The following MCTP1 variants were observed in gnomAD, a reference collection of about 807,000 sequenced individuals.
MCTP1 encodes multiple C2 and transmembrane domain containing 1, also known as multiple C2 and transmembrane domain-containing protein 1.
MCTP1 carries 69 observed loss-of-function variants against 120.6 expected under a neutral mutation model. The observed-to-expected ratio is 0.57, with a 90% confidence interval of 0.47 to 0.70. The LOEUF is 0.70. Among genes scored for constraint, MCTP1 ranks in the 30% least tolerant of loss-of-function variants. The probability of loss-of-function intolerance (pLI) is 0.00; values close to 1 mark genes in which losing one functional copy is unlikely to be tolerated. For missense variants in MCTP1, 1,203 were observed against 1,248.8 expected, an observed-to-expected ratio of 0.96 and a Z score of 0.55; for synonymous variants, 529 against 493.1, an observed-to-expected ratio of 1.07 and a Z score of -0.96.
intron 17 of MCTP1, among the ~76,000 whole-genome samples, chr5:94,851,912 G>A (rs1240278092): frequency 5.9e-5 from 9 of 151,804 alleles, no homozygotes; most frequent in African/African-American, 2.2e-4. Context: ...CCCTACTATT[G>A]CAGTCTCATG....
chr5:94,738,809 T>G (rs912877160), intron 19 of MCTP1, among the ~76,000 whole-genome samples: 2 of 152,228 alleles, frequency 1.3e-5, no homozygotes, highest in African/African-American at 4.8e-5. Flanking sequence ...AAATATCCCC[T>G]TCTCCACTGT....
At chr5:95,143,847 C>T (rs555209735) in intron 1 of MCTP1, among the ~76,000 whole-genome samples, 94 of 152,214 alleles carry the variant, frequency 6.2e-4, no homozygotes, top group African/African-American at 2.0e-3. Flanking sequence ...GTTTTTGTGA[C>T]TAGCACAGTG....
At chr5:95,090,466 G>T (rs1445985934) in intron 1 of MCTP1, among the ~76,000 whole-genome samples, 9 of 151,972 alleles carry the variant, frequency 5.9e-5, no homozygotes. Flanking sequence ...ATCAGTCCTC[G>T]GTCCTTGGCT....
chr5:95,061,399 C>A (rs1391676176), intron 1 of MCTP1, among the ~76,000 whole-genome samples: 1 of 114,268 alleles, frequency 8.8e-6, no homozygotes, highest in Non-Finnish European at 1.9e-5. Context: ...TTTCACAAAC[C>A]CCTTAAGGGT....
intron 19 of MCTP1, among the ~76,000 whole-genome samples, chr5:94,766,784 G>C (rs529791160): frequency 6.6e-6 from 1 of 152,124 alleles, no homozygotes; most frequent in Admixed American, 6.5e-5. Context: ...TAGTGAGATT[G>C]AGTCAGTAAC....
intron 19 of MCTP1, among the ~76,000 whole-genome samples, chr5:94,776,410 G>A (rs1030875887): frequency 1.3e-5 from 2 of 152,062 alleles, no homozygotes; most frequent in Non-Finnish European, 2.9e-5. Context: ...ATGGAAAACA[G>A]GTGCTCTCAT....
In MCTP1 at chr5:94,705,070, T is replaced by A. The variant is rs1240225636; in HGVS notation, c.*2426A>T. On this transcript the variant is annotated 3_prime_UTR_variant, in exon 23 of 23. Coordinates refer to ENST00000515393, the MANE Select transcript of MCTP1 (RefSeq NM_024717.7). ...ACTAAAAGATACTAAAGGAATATAT[T>A]TAGTAGTTCACAATATCTATAATAG... The A allele has an allele frequency of 1.3e-5, 2 of 151,438 alleles. No homozygotes were observed. The highest frequency in any genetic ancestry group is 4.8e-5 in the African/African-American group (2 of 41,346). 9.4% of individuals were successfully genotyped at this position (151,438 alleles called of 1,614,324 possible). A position where few individuals can be genotyped will look rare whatever the true frequency, so the allele number is the denominator to read the frequency against.
At chr5:95,095,237 A>G (rs1756159153) in intron 1 of MCTP1, among the ~76,000 whole-genome samples, 1 of 151,196 alleles carries the variant, frequency 6.6e-6, no homozygotes, top group Non-Finnish European at 1.5e-5. Context: ...GTTAGCCAGG[A>G]TGGTCTCGAT....
chr5:94,824,647 G>T lies in MCTP1; in HGVS notation c.2437-25515C>A, dbSNP rs188116721. 1.1e-4 allele frequency among the ~76,000 whole-genome samples: 16 copies of T among 152,286 alleles called. No individual in the cohort carries two copies. In the East Asian group the frequency reaches 2.9e-3, roughly 28 times the overall value. On this transcript the variant is annotated intron_variant, in intron 17 of 22. Coordinates refer to ENST00000515393, the MANE Select transcript of MCTP1 (RefSeq NM_024717.7). The stretch of plus-strand genomic sequence containing the variant: ...CTCTTTGTACCTCTGGTAGAATTCA[G>T]CTGTGAATCCATCTGGTCATGGGCT...
intron 1 of MCTP1, among the ~76,000 whole-genome samples, chr5:95,221,378 G>T (rs1753677067): frequency 6.6e-6 from 1 of 152,152 alleles, no homozygotes; most frequent in Non-Finnish European, 1.5e-5. Context: ...CCTCCCACTT[G>T]GGCAGAGCCA....
At chr5:95,081,324 A>G (rs753546881) in intron 1 of MCTP1, 8 of 925,264 alleles carry the variant, frequency 8.6e-6, no homozygotes, top group Non-Finnish European at 1.2e-5. Context: ...AACCTTCAAT[A>G]CCCCGTGAGA....
At chr5:95,167,479 G>A (rs891245383) in intron 1 of MCTP1, among the ~76,000 whole-genome samples, 25 of 152,152 alleles carry the variant, frequency 1.6e-4, no homozygotes, top group Non-Finnish European at 2.8e-4. Context: ...CTGAGGAATC[G>A]CCACACTGAC....
intron 1 of MCTP1, among the ~76,000 whole-genome samples, chr5:95,097,513 G>A (rs551646673): frequency 1.8e-4 from 27 of 152,360 alleles, no homozygotes; most frequent in African/African-American, 5.8e-4. Context: ...AAGGAGGCTG[G>A]AGAGGTGGGC....
At chr5:94,826,464 A>C (rs1406203468) in intron 17 of MCTP1, 1 of 688,334 alleles carries the variant, frequency 1.5e-6, no homozygotes, top group Non-Finnish European at 2.7e-6. Flanking sequence ...AGAAGTGGCC[A>C]GCTTTTCTTG....
chr5:95,043,491 T>G (rs2151922066), intron 1 of MCTP1, among the ~76,000 whole-genome samples: 1 of 152,252 alleles, frequency 6.6e-6, no homozygotes, highest in Admixed American at 6.5e-5. Flanking sequence ...ATCATTCTGC[T>G]TAGCCTTTTT....
intron 1 of MCTP1, among the ~76,000 whole-genome samples, chr5:95,200,807 C>G (rs1216163933): frequency 6.6e-6 from 1 of 152,078 alleles, no homozygotes; most frequent in Non-Finnish European, 1.5e-5. Context: ...GTGTTCTCAC[C>G]ACAAAAACTG....
At chr5:94,862,813 C>A (rs367929926) in intron 17 of MCTP1, among the ~76,000 whole-genome samples, 1 of 151,622 alleles carries the variant, frequency 6.6e-6, no homozygotes, top group Non-Finnish European at 1.5e-5. Flanking sequence ...ATAAATTGGG[C>A]GAAAATGTAT....
chr5:94,921,766 G>T (rs1811718725), intron 7 of MCTP1, among the ~76,000 whole-genome samples: 1 of 152,200 alleles, frequency 6.6e-6, no homozygotes, highest in Admixed American at 6.5e-5. Flanking sequence ...GCAATCTCAT[G>T]GCTCTTAAAC....
chr5:95,102,654 C>A (rs2152373859), intron 1 of MCTP1, among the ~76,000 whole-genome samples: 1 of 152,218 alleles, frequency 6.6e-6, no homozygotes, highest in Non-Finnish European at 1.5e-5. Flanking sequence ...GCAGAAGAGA[C>A]AATTAGGTGG....
Sources: allele counts gnomAD v4.1 joint callset (sites outside exome capture counted in the v4.1 genomes callset), GRCh38; gene constraint gnomAD v4.1.1; transcripts MANE v1.5; gene names NCBI Gene and HGNC (gene_info 2026-07-23, HGNC 2026-07-21).